Variants in NFATC1 observed in about 807,000 individuals in gnomAD.
NFATC1 encodes the protein nuclear factor of activated T-cells, cytoplasmic 1.
A neutral mutation model predicts 76.0 loss-of-function variants in NFATC1; 22 were observed. That is an observed-to-expected ratio of 0.29 (90% CI 0.21 to 0.41). The LOEUF is 0.41. Ranked by LOEUF, NFATC1 falls within the 10% of genes least tolerant of loss-of-function variation. The pLI is 1.00. For synonymous variants in NFATC1, 704 were observed against 613.1 expected (o/e 1.15, Z -2.19); for missense variants, 1,357 against 1,337.7 (o/e 1.01, Z -0.23).
chr18:79,518,642 C>T (rs555576529), intron 9 of NFATC1, among the ~76,000 whole-genome samples: 5 of 152,378 alleles, frequency 3.3e-5, no homozygotes, highest in African/African-American at 1.2e-4. Flanking sequence ...TTGCCCAGGG[C>T]GTGGCCCACA....
Position 79,516,444 on chromosome 18 carries a change from A to G in NFATC1, c.2783-11084A>G, listed in dbSNP as rs554629935. On this transcript the variant is annotated intron_variant, in intron 9 of 9. Coordinates refer to ENST00000427363, the MANE Select transcript of NFATC1 (RefSeq NM_001278669.2). ...ATCTTTGAAAAATGCAGAATCGTAA[A>G]GAAGGGTTCTAGAGACGCTGCGACC... 3.9e-5 allele frequency among the ~76,000 whole-genome samples: 6 copies of G among 152,222 alleles called. No homozygotes were observed. In the East Asian group the frequency reaches 1.2e-3, roughly 29 times the overall value.
chr18:79,467,454 C>T lies in NFATC1; in HGVS notation c.1964C>T (p.Ser655Phe), dbSNP rs1286700098. The change falls in exon 8 of 10, where the codon TCT (serine) becomes TTT (phenylalanine). Residue 655 changes from serine (S) to phenylalanine (F), a missense_variant. By Grantham distance (155) the Ser-to-Phe change is radical. Around this residue, in one of 3 missense-constraint regions of NFATC1, gnomAD observed 242 missense variants for 329.2 expected, o/e 0.74. Transcript: ENST00000427363. ...CTGTGTGCCCTTCTCCTGTAGAATTCTCTGGTGGTTGAGATCCCGCCATTT... is the reference window on the plus strand; with the variant it reads ...CTGTGTGCCCTTCTCCTGTAGAATTTTCTGGTGGTTGAGATCCCGCCATTT... ...KTDRDLCKPNSLVVEIPPFRN... is the reference protein window; with the variant it reads ...KTDRDLCKPNFLVVEIPPFRN... 2 of 1,599,034 alleles carry T rather than the reference C, an allele frequency of 1.3e-6. No individual in the cohort carries two copies. Among genetic ancestry groups the T allele is most frequent in the Non-Finnish European group, 1.7e-6 (2 of 1,170,018 alleles).
At chr18:79,520,632 G>A (rs1291109152) in intron 9 of NFATC1, among the ~76,000 whole-genome samples, 23 of 69,438 alleles carry the variant, frequency 3.3e-4, no homozygotes, top group African/African-American at 6.0e-4. Flanking sequence ...ATCCACTGAT[G>A]TGTGTGTCTG....
intron 1 of NFATC1, among the ~76,000 whole-genome samples, chr18:79,398,130 C>T (rs1006385318): frequency 1.3e-5 from 2 of 152,166 alleles, no homozygotes; most frequent in South Asian, 4.1e-4. Context: ...CCTCGGGTTT[C>T]GGGACCATCT....
At position 79,411,374 on chromosome 18, in the gene NFATC1, GCGCCCGAAGACTACT is replaced by G; in HGVS notation, c.1101_1115del (p.Pro368_Ser372del). 6.3e-7 allele frequency: 1 copy of G among 1,585,638 alleles called. No individual in the cohort carries two copies. On this transcript the variant is annotated inframe_deletion, in exon 2 of 10. Transcript: ENST00000427363. ...CAGCCCCCCGCCCCCGGCCGACTTC[GCGCCCGAAGACTACT>G]CCTCTTTCCAGCACATCAGGAAGGG...
chr18:79,514,403 C>T (rs532824040), intron 9 of NFATC1, among the ~76,000 whole-genome samples: 3 of 150,892 alleles, frequency 2.0e-5, no homozygotes, highest in Non-Finnish European at 4.4e-5. Flanking sequence ...GGTGAAATCC[C>T]ACCTCTACCA....
At position 79,448,974 on chromosome 18, in the gene NFATC1, A is replaced by G. The variant is rs760762417; in HGVS notation, c.1579A>G (p.Met527Val). Residue 527 changes from methionine (M) to valine (V), a missense_variant, in exon 4 of 10, where the codon ATG becomes GTG. Physicochemically the swap from Met to Val is conservative, Grantham distance 21 (BLOSUM62 1). Coordinates refer to ENST00000427363, the MANE Select transcript of NFATC1 (RefSeq NM_001278669.2). Reference sequence around the variant, plus strand: ...GATCCCACTCCTGCCGGAGAACAGCATGCGAGCCGTGTAAGCCGCGGGGGA... The same window carrying G: ...GATCCCACTCCTGCCGGAGAACAGCGTGCGAGCCGTGTAAGCCGCGGGGGA... ...LEIPLLPENS[M>V]RAVIDCAGIL... 2 of 1,613,012 alleles carry G rather than the reference A, an allele frequency of 1.2e-6. No individual in the cohort carries two copies. Among genetic ancestry groups the G allele is most frequent in the African/African-American group, 1.3e-5 (1 of 74,932 alleles).
chr18:79,485,975 C>T (rs2089480532), intron 8 of NFATC1, among the ~76,000 whole-genome samples: 1 of 152,254 alleles, frequency 6.6e-6, no homozygotes, highest in Admixed American at 6.5e-5. Context: ...GGGTCCAGGA[C>T]TCCCACTGCA....
chr18:79,454,674 T>A (rs1221139232), intron 6 of NFATC1, among the ~76,000 whole-genome samples: 1 of 152,192 alleles, frequency 6.6e-6, no homozygotes. Flanking sequence ...GAGGACTTAG[T>A]TTACAGCTTC....
intron 9 of NFATC1, among the ~76,000 whole-genome samples, chr18:79,511,472 C>G (rs2090251826): frequency 6.6e-6 from 1 of 152,222 alleles, no homozygotes. Context: ...TCCACGGTGG[C>G]TTCCGTTAAG....
intron 9 of NFATC1, among the ~76,000 whole-genome samples, chr18:79,506,679 C>T (rs1468063111): frequency 6.6e-6 from 1 of 152,156 alleles, no homozygotes; most frequent in Non-Finnish European, 1.5e-5. Flanking sequence ...CAGAATTTCT[C>T]GTAGGGAATA....
intron 8 of NFATC1, among the ~76,000 whole-genome samples, chr18:79,482,532 G>A (rs1367671749): frequency 1.4e-5 from 2 of 147,620 alleles, no homozygotes; most frequent in African/African-American, 5.1e-5. Context: ...TGGTCCTGGG[G>A]TGTCACTCCA....
chr18:79,452,979 G>A lies in NFATC1; in HGVS notation c.1903+1163G>A, dbSNP rs150921361. Among the ~76,000 whole-genome samples, 82 of 152,320 alleles carry A rather than the reference G, an allele frequency of 5.4e-4. 1 individual carries two copies. The highest frequency in any genetic ancestry group is 1.8e-3 in the African/African-American group (76 of 41,586). On this transcript the variant is annotated intron_variant, in intron 6 of 9. Transcript: ENST00000427363. ...AAACTTAAGTGCTTCAATCAAAATC[G>A]GCTTTAGAGGTCTTTGACTCTAACT...
At chr18:79,448,600 G>GT (rs2087318343) in intron 3 of NFATC1, 182 bp from the exon 4 acceptor site, 3 of 637,400 alleles carry the variant, frequency 4.7e-6, no homozygotes, top group Non-Finnish European at 5.4e-6. Context: ...GGTCCATTGG[G>GT]ATAACAAGGC....
chr18:79,498,649 A>T (rs11663866), intron 9 of NFATC1, among the ~76,000 whole-genome samples: 18 of 152,192 alleles, frequency 1.2e-4, no homozygotes, highest in African/African-American at 4.3e-4. Context: ...TTGATGGAAA[A>T]CATTATTCAG....
intron 9 of NFATC1, chr18:79,527,226 C>T: frequency 3.1e-6 from 1 of 326,858 alleles, no homozygotes; most frequent in South Asian, 4.5e-5. Flanking sequence ...GGAGAGACAG[C>T]CACAGCATCT....
intron 7 of NFATC1, among the ~76,000 whole-genome samples, chr18:79,464,700 T>A (rs55812040): frequency 0.097 from 7,512 of 77,640 alleles, 840 homozygotes; most frequent in African/African-American, 0.27. Flanking sequence ...ATATATTTAT[T>A]TATTTATTTA....
At chr18:79,400,398 G>A (rs2085160583) in intron 1 of NFATC1, 5 of 1,488,126 alleles carry the variant, frequency 3.4e-6, no homozygotes, top group Non-Finnish European at 4.5e-6. Flanking sequence ...CGCCATGACG[G>A]GGCTGGAGGA....
intron 1 of NFATC1, among the ~76,000 whole-genome samples, chr18:79,404,859 A>G (rs977580962): frequency 3.4e-4 from 52 of 152,352 alleles, no homozygotes; most frequent in African/African-American, 1.3e-3. Context: ...CTGCAAGGTT[A>G]GAATGCTGTG....
Sources: gnomAD v4.1 joint callset for allele counts (sites outside exome capture counted in the v4.1 genomes callset) on GRCh38, gnomAD v4.1.1 for gene constraint, gnomAD v4.1.1 regional missense constraint, MANE v1.5 for transcripts, NCBI Gene and HGNC (gene_info 2026-07-23, HGNC 2026-07-21) for gene names.